PTH2R: variants seen among roughly 807,000 people sequenced by gnomAD.
PTH2R encodes PTH2 receptor.
A neutral mutation model predicts 60.3 loss-of-function variants in PTH2R; 59 were observed. The observed-to-expected ratio is 0.98, with a 90% CI of 0.79 to 1.22. The LOEUF is 1.22. PTH2R is among the 50% of genes most tolerant of loss of function. The pLI is 0.00. For missense variants in PTH2R, 749 were observed against 682.6 expected, an observed-to-expected ratio of 1.10 and a Z score of -1.08; for synonymous variants, 256 against 243.8, an observed-to-expected ratio of 1.05 and a Z score of -0.47.
chr2:208,395,057 T>A (rs1265333508), intron 1 of PTH2R, among the ~76,000 whole-genome samples: 3 of 151,806 alleles, frequency 2.0e-5, no homozygotes, highest in Admixed American at 6.6e-5. Context: ...CTTTTTTATT[T>A]TTTTTTTTGA....
intron 4 of PTH2R, among the ~76,000 whole-genome samples, chr2:208,441,174 G>T (rs762405863): frequency 1.3e-5 from 2 of 152,098 alleles, no homozygotes; most frequent in Non-Finnish European, 2.9e-5. Flanking sequence ...TTAATTGCTA[G>T]AACAGCTCAC....
At chr2:208,389,794 TTTC>T (rs1559205720) in intron 1 of PTH2R, among the ~76,000 whole-genome samples, 1 of 152,074 alleles carries the variant, frequency 6.6e-6, no homozygotes, top group Non-Finnish European at 1.5e-5. Flanking sequence ...TTTTCCGCTT[TTTC>T]TTTTTTTGCG....
chr2:208,434,599 A>G (rs1009423449), intron 2 of PTH2R, among the ~76,000 whole-genome samples: 2 of 152,232 alleles, frequency 1.3e-5, no homozygotes, highest in African/African-American at 2.4e-5. Context: ...AGAAAATAGC[A>G]TATGACATTG....
intron 1 of PTH2R, among the ~76,000 whole-genome samples, chr2:208,390,038 C>T (rs979801899): frequency 6.6e-6 from 1 of 152,180 alleles, no homozygotes; most frequent in Non-Finnish European, 1.5e-5. Context: ...CCCATTGGGA[C>T]TTCCAACCAG....
intron 2 of PTH2R, among the ~76,000 whole-genome samples, chr2:208,434,688 T>A (rs1702039834): frequency 6.6e-6 from 1 of 152,050 alleles, no homozygotes; most frequent in South Asian, 2.1e-4. Context: ...AATTACACAA[T>A]AGATACTGGG....
chr2:208,436,287 A>T (rs1702073234), intron 2 of PTH2R, among the ~76,000 whole-genome samples: 1 of 100,982 alleles, frequency 9.9e-6, no homozygotes, highest in South Asian at 3.2e-4. Flanking sequence ...TGAAGGAGGT[A>T]AGGGAATAAG....
intron 1 of PTH2R, among the ~76,000 whole-genome samples, chr2:208,421,373 T>TGTGTGG (rs1157120896): frequency 1.3e-5 from 2 of 151,984 alleles, no homozygotes; most frequent in African/African-American, 4.8e-5. Context: ...GGGGTGTGTG[T>TGTGTGG]GTGTGTGTGT....
At position 208,494,050 on chromosome 2, in the gene PTH2R, T is replaced by G. The variant is rs913464097; in HGVS notation, c.*391T>G. On this transcript the variant is annotated 3_prime_UTR_variant, in exon 13 of 13. Transcript: ENST00000272847. ...ATTTTCCTTTTAGAAACTAGTATTC[T>G]CTTATTTCTTACTTTAATGTACTTC... 2.5e-5 allele frequency: 4 copies of G among 157,078 alleles called. No homozygotes were observed. The highest frequency in any genetic ancestry group is 9.7e-5 in the African/African-American group (4 of 41,410). 9.7% of individuals were successfully genotyped at this position (157,078 alleles called of 1,614,324 possible).
At chr2:208,387,396 G>T (rs140380936) in intron 1 of PTH2R, among the ~76,000 whole-genome samples, 166 of 152,270 alleles carry the variant, frequency 1.1e-3, no homozygotes, top group African/African-American at 4.0e-3. Context: ...CACATCACAT[G>T]AATTGAACAG....
intron 1 of PTH2R, among the ~76,000 whole-genome samples, chr2:208,401,561 A>T (rs567216323): frequency 1.9e-4 from 29 of 149,644 alleles, no homozygotes; most frequent in Admixed American, 1.9e-3. Context: ...TATTTTTTTT[A>T]AACTTAATCC....
At chr2:208,445,421 A>T (rs963422114) in intron 7 of PTH2R, among the ~76,000 whole-genome samples, 1 of 152,218 alleles carries the variant, frequency 6.6e-6, no homozygotes, top group African/African-American at 2.4e-5. Context: ...TGGCATAAGT[A>T]ATTAAAAAAG....
intron 1 of PTH2R, among the ~76,000 whole-genome samples, 155 bp downstream of exon 1, chr2:208,407,273 G>A (rs1385432709): frequency 6.6e-6 from 1 of 152,166 alleles, no homozygotes. Context: ...GCAGGTGCTG[G>A]CAGGCAATTA....
At chr2:208,360,033 G>A (rs1700416845) in exon 1 of PTH2R, 1 of 334,296 alleles carries the variant, frequency 3.0e-6, no homozygotes, top group African/African-American at 2.2e-5. Context: ...CAGGTTTTTT[G>A]GGTCGGAGAG....
Position 208,416,237 on chromosome 2 carries a change from T to C in PTH2R, c.75+9119T>C, listed in dbSNP as rs1056926861. Among the ~76,000 whole-genome samples the C allele has an allele frequency of 2.6e-5, 4 of 152,110 alleles. No homozygotes were observed. The East Asian group carries it at 7.7e-4, about 29-fold the overall frequency. On this transcript the variant is annotated intron_variant, in intron 1 of 12. Transcript: ENST00000272847. ...GGAGTGTGCTAAGACGTGTTAAAAA[T>C]GATGGTGTTAAACCTTTGTGTGGAA...
At chr2:208,413,644 T>G (rs187237867) in intron 1 of PTH2R, among the ~76,000 whole-genome samples, 5 of 152,364 alleles carry the variant, frequency 3.3e-5, no homozygotes, top group Non-Finnish European at 5.9e-5. Flanking sequence ...GAACATGTAT[T>G]ATTTTTACAT....
intron 1 of PTH2R, among the ~76,000 whole-genome samples, chr2:208,377,734 G>C (rs924563061): frequency 4.0e-5 from 6 of 151,564 alleles, no homozygotes; most frequent in Non-Finnish European, 1.5e-5. Flanking sequence ...CCTCCCAGAC[G>C]GGGTCGCGGC....
chr2:208,414,484 A>G (rs1701600062), intron 1 of PTH2R, among the ~76,000 whole-genome samples: 1 of 152,086 alleles, frequency 6.6e-6, no homozygotes, highest in Non-Finnish European at 1.5e-5. Context: ...AATAAAAGCA[A>G]TAACCATTGT....
chr2:208,439,435 A>G (rs997724197), intron 4 of PTH2R, among the ~76,000 whole-genome samples: 2 of 152,184 alleles, frequency 1.3e-5, no homozygotes, highest in Non-Finnish European at 1.5e-5. Flanking sequence ...AAAACTAGAT[A>G]TCTCCTGAAG....
chr2:208,409,282 T>C (rs918590913), intron 1 of PTH2R, among the ~76,000 whole-genome samples: 3 of 152,210 alleles, frequency 2.0e-5, no homozygotes, highest in African/African-American at 7.2e-5. Flanking sequence ...AAGAGTCATA[T>C]TGGGCTAAGA....
Sources: allele counts gnomAD v4.1 joint callset (sites outside exome capture counted in the v4.1 genomes callset), GRCh38; gene constraint gnomAD v4.1.1; transcripts MANE v1.5; gene names NCBI Gene and HGNC (gene_info 2026-07-23, HGNC 2026-07-21).